The following ABLIM1 variants were observed in gnomAD, a reference collection of about 807,000 sequenced individuals.
ABLIM1 encodes the protein actin-binding LIM protein 1.
Under a neutral mutation model 107.0 loss-of-function variants are expected in ABLIM1, and 40 were observed. That is an observed-to-expected ratio of 0.37 (90% CI 0.29 to 0.49). The LOEUF (loss-of-function observed/expected upper bound fraction) is 0.49, where lower values mean the gene tolerates loss of function less well. ABLIM1 is among the 20% of genes least tolerant of loss of function. ABLIM1 has a pLI of 0.97. For synonymous variants in ABLIM1, 357 were observed against 357.3 expected (o/e 1.00, Z 0.01); for missense variants, 857 against 1,008.5 (o/e 0.85, Z 2.04).
the ABLIM1 span, among the ~76,000 whole-genome samples, chr10:114,786,208 T>C: frequency 6.6e-6 from 1 of 152,228 alleles, no homozygotes; most frequent in Non-Finnish European, 1.5e-5. Context: ...TTTATGGTAA[T>C]ACTATTTGAA....
chr10:114,798,556 A>ACCGC, the ABLIM1 span, among the ~76,000 whole-genome samples: 6 of 126,034 alleles, frequency 4.8e-5, no homozygotes, highest in Admixed American at 3.1e-4. Flanking sequence ...AGATGATGAG[A>ACCGC]CCCCCCCCCC....
At chr10:114,759,814 T>A (rs889295918) in intron 1 of ABLIM1, among the ~76,000 whole-genome samples, 1 of 152,128 alleles carries the variant, frequency 6.6e-6, no homozygotes, top group African/African-American at 2.4e-5. Flanking sequence ...AAGGCCACAG[T>A]CTCAATTTTC....
intron 1 of ABLIM1, chr10:114,615,634 T>C (rs1322668535): frequency 2.3e-6 from 1 of 443,384 alleles, no homozygotes; most frequent in African/African-American, 2.0e-5. Context: ...ATGTTCATGT[T>C]TTGAATACCA....
At chr10:114,771,412 G>A (rs539842604), upstream of ABLIM1, among the ~76,000 whole-genome samples, 94 of 152,254 alleles carry the variant, frequency 6.2e-4, no homozygotes, top group Admixed American at 1.2e-3. Flanking sequence ...TGCTATCAAA[G>A]GTCATCTTTA....
intron 12 of ABLIM1, among the ~76,000 whole-genome samples, chr10:114,464,280 G>A (rs2133517326): frequency 6.6e-6 from 1 of 151,164 alleles, no homozygotes; most frequent in Non-Finnish European, 1.5e-5. Flanking sequence ...TTGCCTCCCA[G>A]GTTCCAGCAA....
At chr10:114,722,398 A>G (rs542021553) in intron 1 of ABLIM1, among the ~76,000 whole-genome samples, 1 of 152,288 alleles carries the variant, frequency 6.6e-6, no homozygotes, top group South Asian at 2.1e-4. Context: ...ATCTGCCCCC[A>G]TGATCCAATC....
chr10:114,503,982 T>C (rs1201986636), intron 6 of ABLIM1, among the ~76,000 whole-genome samples: 1 of 152,218 alleles, frequency 6.6e-6, no homozygotes, highest in Non-Finnish European at 1.5e-5. Flanking sequence ...TGACCTGATA[T>C]TAGCAAGCAA....
intron 1 of ABLIM1, among the ~76,000 whole-genome samples, chr10:114,672,736 C>T (rs954047654): frequency 1.3e-5 from 2 of 152,050 alleles, no homozygotes; most frequent in Admixed American, 6.6e-5. Flanking sequence ...ATGCTTTATT[C>T]CAGAAGCTTG....
chr10:114,567,972 C>T (rs1039558262), intron 4 of ABLIM1, among the ~76,000 whole-genome samples: 6 of 151,708 alleles, frequency 4.0e-5, no homozygotes, highest in Non-Finnish European at 8.8e-5. Flanking sequence ...GGGTGGATCA[C>T]GAGGTCAGGA....
chr10:114,700,901 T>C (rs1460857349), intron 1 of ABLIM1, among the ~76,000 whole-genome samples: 2 of 151,980 alleles, frequency 1.3e-5, no homozygotes, highest in Non-Finnish European at 2.9e-5. Context: ...GATAGGATAA[T>C]AAAATCACAA....
intron 1 of ABLIM1, among the ~76,000 whole-genome samples, chr10:114,734,053 T>C (rs1336685435): frequency 6.6e-6 from 1 of 151,928 alleles, no homozygotes; most frequent in African/African-American, 2.4e-5. Flanking sequence ...AGAGATGGGG[T>C]TTCGCCATGT....
chr10:114,529,883 C>T (rs1278525517), intron 6 of ABLIM1, among the ~76,000 whole-genome samples: 1 of 151,958 alleles, frequency 6.6e-6, no homozygotes, highest in African/African-American at 2.4e-5. Flanking sequence ...AAAAATTAGC[C>T]AGGCATGGTT....
At chr10:114,448,238 T>C (rs944355926) in intron 14 of ABLIM1, among the ~76,000 whole-genome samples, 1 of 152,226 alleles carries the variant, frequency 6.6e-6, no homozygotes, top group Non-Finnish European at 1.5e-5. Context: ...TCATTCTACA[T>C]GTGTTCTACA....
chr10:114,664,867 T>C (rs996756422), intron 1 of ABLIM1, among the ~76,000 whole-genome samples: 3 of 150,164 alleles, frequency 2.0e-5, no homozygotes, highest in Non-Finnish European at 3.0e-5. Flanking sequence ...AAGAAAATGT[T>C]CCACACTTTG....
chr10:114,751,050 C>A (rs2082499502), intron 1 of ABLIM1, among the ~76,000 whole-genome samples: 1 of 152,116 alleles, frequency 6.6e-6, no homozygotes, highest in Non-Finnish European at 1.5e-5. Context: ...TGCTTTACTG[C>A]AAAGTCAAAA....
chr10:114,517,717 T>C (rs1203947679), intron 6 of ABLIM1, among the ~76,000 whole-genome samples: 1 of 152,180 alleles, frequency 6.6e-6, no homozygotes, highest in Non-Finnish European at 1.5e-5. Context: ...AGAAATTGCC[T>C]CATAATCAAC....
the ABLIM1 span, among the ~76,000 whole-genome samples, chr10:114,774,908 GA>G: frequency 8.5e-4 from 130 of 152,252 alleles, 2 homozygotes; most frequent in Non-Finnish European, 4.1e-4. Flanking sequence ...CCCATGCCAG[GA>G]ACTAGTTTCC....
intron 8 of ABLIM1, 54 bp from the exon 9 acceptor site, chr10:114,474,010 A>C: frequency 1.4e-6 from 2 of 1,395,246 alleles, no homozygotes; most frequent in Non-Finnish European, 2.0e-6. Flanking sequence ...CAGAATCTAG[A>C]CTGTCCTGGG....
chr10:114,516,895 G>A (rs181783498), intron 6 of ABLIM1, among the ~76,000 whole-genome samples: 1 of 152,314 alleles, frequency 6.6e-6, no homozygotes, highest in Admixed American at 6.5e-5. Context: ...TTATTTTGCT[G>A]AATTCAGTAA....
Sources: allele counts gnomAD v4.1 joint callset (sites outside exome capture counted in the v4.1 genomes callset), GRCh38; gene constraint gnomAD v4.1.1; transcripts MANE v1.5; gene names NCBI Gene and HGNC (gene_info 2026-07-23, HGNC 2026-07-21).